GMDS: variants seen among roughly 807,000 people sequenced by gnomAD.
GMDS encodes the protein GDP-mannose 4,6 dehydratase.
GMDS carries 20 observed loss-of-function variants against 49.9 expected under a neutral mutation model. That is an observed-to-expected ratio of 0.40 (90% CI 0.28 to 0.58). GMDS has a LOEUF of 0.58. GMDS is among the 20% of genes least tolerant of loss of function. The pLI is 0.42. For missense variants in GMDS, 362 were observed against 481.4 expected (o/e 0.75, Z 2.32); for synonymous variants, 177 against 178.6 (o/e 0.99, Z 0.07).
In GMDS at chr6:2,072,139, A is replaced by G. The variant is rs377264257; in HGVS notation, c.345+43632T>C. On this transcript the variant is annotated intron_variant, in intron 4 of 10. Coordinates refer to ENST00000380815, the MANE Select transcript of GMDS (RefSeq NM_001500.4). ...TCTGTGTAGGTGTTTGGCCATGGAT[A>G]CAATTTACATGCTTAACTTTTCCTT... is the stretch of plus-strand genomic sequence containing the variant. 3.3e-5 allele frequency among the ~76,000 whole-genome samples: 5 copies of G among 152,290 alleles called. No homozygotes were observed. In the East Asian group the frequency reaches 7.7e-4, roughly 24 times the overall value.
intron 4 of GMDS, among the ~76,000 whole-genome samples, chr6:2,082,380 G>C (rs2127469259): frequency 6.6e-6 from 1 of 152,278 alleles, no homozygotes; most frequent in East Asian, 1.9e-4. Context: ...AAAAAGAGAA[G>C]AGTGTCACTG....
chr6:2,200,517 G>C (rs913208874), intron 1 of GMDS, among the ~76,000 whole-genome samples: 2 of 149,046 alleles, frequency 1.3e-5, no homozygotes, highest in Non-Finnish European at 3.0e-5. Flanking sequence ...TAACCAACTA[G>C]GCAGTGAGGG....
intron 8 of GMDS, among the ~76,000 whole-genome samples, chr6:1,737,138 A>AT (rs1246163108): frequency 6.6e-6 from 1 of 152,216 alleles, no homozygotes; most frequent in African/African-American, 2.4e-5. Context: ...TTTCTGATGT[A>AT]TAACAATGTT....
At chr6:1,730,715 T>C (rs184237168) in intron 8 of GMDS, among the ~76,000 whole-genome samples, 7 of 152,148 alleles carry the variant, frequency 4.6e-5, no homozygotes, top group South Asian at 2.1e-4. Flanking sequence ...GAGGCTCCTC[T>C]GGGCATCAGA....
At chr6:2,043,533 C>T (rs768213653) in intron 4 of GMDS, 1 of 152,220 alleles carries the variant, frequency 6.6e-6, no homozygotes, top group Non-Finnish European at 1.5e-5. Context: ...AAGAGGGCCA[C>T]TACCATATGG....
chr6:1,684,947 T>C (rs944516888), intron 9 of GMDS, among the ~76,000 whole-genome samples: 1 of 152,076 alleles, frequency 6.6e-6, no homozygotes, highest in Non-Finnish European at 1.5e-5. Context: ...GAAGCCACAA[T>C]GATGTCAGGC....
At chr6:2,125,419 T>C (rs1238691746) in intron 1 of GMDS, among the ~76,000 whole-genome samples, 1 of 152,078 alleles carries the variant, frequency 6.6e-6, no homozygotes, top group Non-Finnish European at 1.5e-5. Flanking sequence ...TGAGCCACCA[T>C]GCCCAGCCCA....
rs555197213 is a variant in GMDS, at chr6:2,077,889, C to T, written c.345+37882G>A. ...TCTTCTTTATACATATGGTAGAATT[C>T]GGCCAAGAATCAATCTGCTCCTAGC... On this transcript the variant is annotated intron_variant, in intron 4 of 10. Transcript: ENST00000380815. Among the ~76,000 whole-genome samples, 17 of 152,104 alleles carry T rather than the reference C, an allele frequency of 1.1e-4. No homozygotes were observed. The East Asian group carries it at 1.2e-3, about 10-fold the overall frequency.
intron 1 of GMDS, among the ~76,000 whole-genome samples, chr6:2,125,281 A>G (rs1775357877): frequency 3.3e-5 from 5 of 150,350 alleles, no homozygotes; most frequent in Admixed American, 3.3e-4. Context: ...CTGTTAAAAC[A>G]AAACAAAACA....
At chr6:2,167,574 A>G (rs1355732038) in intron 1 of GMDS, among the ~76,000 whole-genome samples, 1 of 152,220 alleles carries the variant, frequency 6.6e-6, no homozygotes, top group Non-Finnish European at 1.5e-5. Context: ...TAATTCTACC[A>G]GAAGACATAC....
At chr6:2,125,623 G>A (rs1008680492) in intron 1 of GMDS, among the ~76,000 whole-genome samples, 8 of 152,130 alleles carry the variant, frequency 5.3e-5, no homozygotes, top group African/African-American at 1.9e-4. Context: ...AATCACTGGG[G>A]AAGGGGATAA....
intron 8 of GMDS, among the ~76,000 whole-genome samples, chr6:1,738,025 CACACACCA>C (rs1767100112): frequency 1.0e-3 from 9 of 8,684 alleles, no homozygotes; most frequent in African/African-American, 3.8e-3. Flanking sequence ...TACACACATA[CACACACCA>C]CACACACACA....
At chr6:2,190,914 C>A (rs1778984921) in intron 1 of GMDS, among the ~76,000 whole-genome samples, 1 of 152,084 alleles carries the variant, frequency 6.6e-6, no homozygotes, top group South Asian at 2.1e-4. Flanking sequence ...CCTCATGTGG[C>A]CAGGCAGGAC....
intron 7 of GMDS, among the ~76,000 whole-genome samples, chr6:1,901,904 C>T (rs1760520925): frequency 6.6e-6 from 1 of 152,224 alleles, no homozygotes. Flanking sequence ...GGAGACCACA[C>T]ACACAGAGGG....
At chr6:1,999,959 T>TTATATATATTATATATATATATATTA (rs1766591126) in intron 4 of GMDS, among the ~76,000 whole-genome samples, 1 of 12,522 alleles carries the variant, frequency 8.0e-5, no homozygotes, top group Non-Finnish European at 1.7e-4. Context: ...AATATGTATA[T>TTATATATATTATATATATATATATTA]TATATATATA....
rs1367199251 is a variant in GMDS, at chr6:1,997,203, T to C, written c.346-36237A>G. 3.3e-5 allele frequency among the ~76,000 whole-genome samples: 5 copies of C among 151,994 alleles called. 1 individual carries two copies. The highest frequency in any genetic ancestry group is 2.0e-4 in the Admixed American group (3 of 15,254). On this transcript the variant is annotated intron_variant, in intron 4 of 10. Transcript: ENST00000380815. ...GGAAGGAATAGGTCTCAGTTATTGA[T>C]GGTTTTCTTGAGAAAGTGAAGACTG...
intron 7 of GMDS, among the ~76,000 whole-genome samples, chr6:1,853,774 A>T (rs1329825972): frequency 6.6e-6 from 1 of 152,248 alleles, no homozygotes; most frequent in Non-Finnish European, 1.5e-5. Flanking sequence ...TATCAGTTTG[A>T]GTTGTCCATA....
chr6:1,890,747 A>G (rs1172622380), intron 7 of GMDS, among the ~76,000 whole-genome samples: 1 of 152,234 alleles, frequency 6.6e-6, no homozygotes, highest in Non-Finnish European at 1.5e-5. Flanking sequence ...AAAGCCCACA[A>G]TAAATCCACT....
At chr6:1,999,962 T>C (rs1766594272) in intron 4 of GMDS, among the ~76,000 whole-genome samples, 1 of 13,552 alleles carries the variant, frequency 7.4e-5, no homozygotes, top group African/African-American at 2.1e-4. Context: ...ATGTATATTA[T>C]ATATATATTA....
Sources: allele counts gnomAD v4.1 joint callset (sites outside exome capture counted in the v4.1 genomes callset), GRCh38; gene constraint gnomAD v4.1.1; transcripts MANE v1.5; gene names NCBI Gene and HGNC (gene_info 2026-07-23, HGNC 2026-07-21).